The following ESR1 variants were observed in gnomAD, a reference collection of about 807,000 sequenced individuals.
ESR1 encodes the protein estrogen receptor.
A neutral mutation model predicts 52.7 loss-of-function variants in ESR1; 12 were observed. The ratio of observed to expected loss-of-function variants is 0.23; its 90% CI spans 0.15 to 0.37. The LOEUF (loss-of-function observed/expected upper bound fraction) is 0.37, where lower values mean the gene tolerates loss of function less well. Ranked by LOEUF, ESR1 falls within the 10% of genes least tolerant of loss-of-function variation. The pLI is 1.00. For synonymous variants in ESR1, 305 were observed against 316.8 expected, an observed-to-expected ratio of 0.96 and a Z score of 0.39; for missense variants, 584 against 779.7, an observed-to-expected ratio of 0.75 and a Z score of 2.99.
intron 3 of ESR1, among the ~76,000 whole-genome samples, chr6:151,914,532 TG>T (rs1798745223): frequency 6.6e-6 from 1 of 152,234 alleles, no homozygotes; most frequent in Non-Finnish European, 1.5e-5. Flanking sequence ...TATCATATAC[TG>T]GGTTAACAAG....
At chr6:152,079,561 C>G (rs965295004) in intron 6 of ESR1, among the ~76,000 whole-genome samples, 1 of 152,076 alleles carries the variant, frequency 6.6e-6, no homozygotes, top group Admixed American at 6.5e-5. Context: ...TGGAAAATTC[C>G]AAAAACCAGA....
chr6:152,048,233 G>T (rs765076683), intron 5 of ESR1, among the ~76,000 whole-genome samples: 1 of 151,638 alleles, frequency 6.6e-6, no homozygotes, highest in Non-Finnish European at 1.5e-5. Flanking sequence ...TTAGCCAGGC[G>T]TGGTGGCATG....
chr6:151,813,027 C>T lies in ESR1; in HGVS notation c.452+4663C>T, dbSNP rs146333788. ...ACTTCGTCTCTAAAATATACTCATA[C>T]TGATCTCTGAAATCCCAGAATTTAA... On this transcript the variant is annotated intron_variant, in intron 1 of 7. Coordinates refer to ENST00000206249, the MANE Select transcript of ESR1 (RefSeq NM_000125.4). Among the ~76,000 whole-genome samples, 15 of 151,666 alleles carry T rather than the reference C, an allele frequency of 9.9e-5. No individual in the cohort carries two copies. The East Asian group carries it at 2.5e-3, about 25-fold the overall frequency.
At chr6:151,673,700 T>G (rs150143571) in intron 1 of ESR1, among the ~76,000 whole-genome samples, 46 of 152,218 alleles carry the variant, frequency 3.0e-4, no homozygotes, top group African/African-American at 1.1e-3. Flanking sequence ...TTGGGCAACA[T>G]AGTGAGACCC....
chr6:152,061,827 G>T lies in ESR1; in HGVS notation c.1369+703G>T, dbSNP rs780956635. ...AGAGTTACTCTATGTCACCAAGATG[G>T]AAACTATGGTTCAGCCTGAATTAGT... is the stretch of plus-strand genomic sequence containing the variant. On this transcript the variant is annotated intron_variant, in intron 6 of 7. Coordinates refer to ENST00000206249, the MANE Select transcript of ESR1 (RefSeq NM_000125.4). The surrounding 1 kb of genome is among the most constrained non-coding windows in gnomAD (Gnocchi z 4.3). Among the ~76,000 whole-genome samples, 1 of 152,148 alleles carries T rather than the reference G, an allele frequency of 6.6e-6. No homozygotes were observed. The highest frequency in any genetic ancestry group is 1.5e-5 in the Non-Finnish European group (1 of 68,030).
At chr6:152,084,565 G>A (rs187683514) in intron 6 of ESR1, among the ~76,000 whole-genome samples, 116 of 152,056 alleles carry the variant, frequency 7.6e-4, no homozygotes, top group African/African-American at 2.6e-3. Context: ...TATCAGCAGC[G>A]TGAAAATGAA....
chr6:151,782,073 G>A (rs924460313), intron 2 of ESR1, among the ~76,000 whole-genome samples: 1 of 152,156 alleles, frequency 6.6e-6, no homozygotes, highest in Non-Finnish European at 1.5e-5. Flanking sequence ...ATTAGAAAAA[G>A]TTGGGATCTT....
chr6:151,669,033 C>G (rs540946778), intron 1 of ESR1, among the ~76,000 whole-genome samples: 2 of 151,684 alleles, frequency 1.3e-5, no homozygotes, highest in African/African-American at 4.8e-5. Flanking sequence ...CTAAAGGCAT[C>G]TGGACTTTGC....
At chr6:151,725,139 C>T (rs1035666725) in intron 2 of ESR1, among the ~76,000 whole-genome samples, 46 of 152,098 alleles carry the variant, frequency 3.0e-4, no homozygotes, top group African/African-American at 1.0e-3. Flanking sequence ...TAAAATTCTC[C>T]CACCTCTGGC....
chr6:151,830,169 G>A (rs1282184369), intron 1 of ESR1, among the ~76,000 whole-genome samples: 1 of 152,170 alleles, frequency 6.6e-6, no homozygotes, highest in African/African-American at 2.4e-5. Context: ...AGTGGGTCTA[G>A]GACTCTTGTA....
At chr6:151,689,045 G>T (rs1778797731), upstream of ESR1, among the ~76,000 whole-genome samples, 1 of 152,060 alleles carries the variant, frequency 6.6e-6, no homozygotes, top group Non-Finnish European at 1.5e-5. Flanking sequence ...TAATGAAAAG[G>T]AAATAATCTA....
intron 2 of ESR1, among the ~76,000 whole-genome samples, chr6:151,764,506 C>A (rs1246910375): frequency 6.6e-6 from 1 of 151,898 alleles, no homozygotes; most frequent in African/African-American, 2.4e-5. Flanking sequence ...GGCTGCTGAG[C>A]GCAGGGAGTC....
In ESR1 at chr6:151,925,358, G is replaced by A. The variant is rs1044418686; in HGVS notation, c.761-18815G>A. ...GCAGTGGCTCACGCCTGTAATCCCA[G>A]CACTTTGGGAAGCTGAGGCAGGCAG... On this transcript the variant is annotated intron_variant, in intron 3 of 7. Coordinates refer to ENST00000206249, the MANE Select transcript of ESR1 (RefSeq NM_000125.4). Among the ~76,000 whole-genome samples, 21 of 152,336 alleles carry A rather than the reference G, an allele frequency of 1.4e-4. No individual in the cohort carries two copies. In the East Asian group the frequency reaches 3.1e-3, roughly 22 times the overall value.
At chr6:151,928,837 G>A (rs1011253666) in intron 3 of ESR1, among the ~76,000 whole-genome samples, 2 of 151,888 alleles carry the variant, frequency 1.3e-5, no homozygotes, top group Non-Finnish European at 2.9e-5. Context: ...TTAAAAGTGT[G>A]TTGTTCAATC....
intron 5 of ESR1, among the ~76,000 whole-genome samples, chr6:152,022,397 T>C (rs1456257536): frequency 6.6e-6 from 1 of 152,138 alleles, no homozygotes; most frequent in Admixed American, 6.5e-5. Context: ...AGGGAAGATA[T>C]CCTGAAGGTT....
chr6:151,822,203 G>C (rs1780669931), intron 1 of ESR1, among the ~76,000 whole-genome samples: 1 of 152,074 alleles, frequency 6.6e-6, no homozygotes, highest in South Asian at 2.1e-4. Flanking sequence ...ATAATGTAGG[G>C]ATTAATATGT....
intron 4 of ESR1, among the ~76,000 whole-genome samples, chr6:152,010,194 A>G (rs1200008307): frequency 3.3e-5 from 5 of 152,124 alleles, no homozygotes; most frequent in Non-Finnish European, 7.4e-5. Flanking sequence ...CTGAAAGATG[A>G]TACTTAAGCA....
At chr6:151,787,175 G>C (rs1787108838) in intron 2 of ESR1, among the ~76,000 whole-genome samples, 1 of 152,114 alleles carries the variant, frequency 6.6e-6, no homozygotes, top group African/African-American at 2.4e-5. Context: ...TTATTTCTGG[G>C]CTCTCTATTC....
intron 4 of ESR1, among the ~76,000 whole-genome samples, chr6:152,002,185 AGTGTGTGTGT>A (rs10578838): frequency 1.3e-4 from 18 of 141,490 alleles, no homozygotes; most frequent in African/African-American, 2.3e-4. Flanking sequence ...TTTTAAATCA[AGTGTGTGTGT>A]GTGTGTGTGT....
Sources: gnomAD v4.1 joint callset for allele counts (sites outside exome capture counted in the v4.1 genomes callset) on GRCh38, gnomAD v4.1.1 for gene constraint, Gnocchi (gnomAD v3.1) non-coding constraint, MANE v1.5 for transcripts, NCBI Gene and HGNC (gene_info 2026-07-23, HGNC 2026-07-21) for gene names.